Variants in CALN1 observed in about 807,000 individuals in gnomAD.
CALN1 encodes calneuron 1, also known as calcium-binding protein 8.
CALN1 carries 17 observed loss-of-function variants against 30.6 expected under a neutral mutation model. That is an observed-to-expected ratio of 0.56 (90% CI 0.38 to 0.83). The LOEUF is 0.83. CALN1 is among the 40% of genes least tolerant of loss of function. CALN1 has a pLI of 0.00. For missense variants in CALN1, 291 were observed against 354.9 expected, an observed-to-expected ratio of 0.82 and a Z score of 1.45; for synonymous variants, 156 against 131.4, an observed-to-expected ratio of 1.19 and a Z score of -1.28.
At chr7:72,137,362 C>G (rs989770161) in intron 3 of CALN1, among the ~76,000 whole-genome samples, 2 of 152,308 alleles carry the variant, frequency 1.3e-5, no homozygotes, top group East Asian at 1.9e-4. Flanking sequence ...TGCTCCTGCT[C>G]TGTCACACAG....
At chr7:72,380,861 A>G (rs1260842244) in intron 2 of CALN1, among the ~76,000 whole-genome samples, 4 of 152,176 alleles carry the variant, frequency 2.6e-5, no homozygotes, top group African/African-American at 4.8e-5. Context: ...AGAAACAAGT[A>G]AATTTTAGAA....
At chr7:71,831,552 C>T (rs1789275879) in intron 5 of CALN1, among the ~76,000 whole-genome samples, 1 of 151,928 alleles carries the variant, frequency 6.6e-6, no homozygotes, top group Non-Finnish European at 1.5e-5. Context: ...TAATGAAAAT[C>T]CCTTCCTTAT....
At chr7:71,896,856 CAG>C (rs1031538328) in intron 5 of CALN1, among the ~76,000 whole-genome samples, 10 of 152,220 alleles carry the variant, frequency 6.6e-5, no homozygotes, top group Admixed American at 4.6e-4. Flanking sequence ...TGCTCCCAAA[CAG>C]AGGAGAATGG....
intron 5 of CALN1, among the ~76,000 whole-genome samples, chr7:72,007,627 C>G (rs1181701954): frequency 6.6e-6 from 1 of 152,184 alleles, no homozygotes; most frequent in African/African-American, 2.4e-5. Context: ...TAATGCCTAT[C>G]TTTCTCCTAC....
intron 3 of CALN1, among the ~76,000 whole-genome samples, chr7:72,239,958 A>C (rs1004868429): frequency 1.3e-4 from 20 of 152,188 alleles, no homozygotes; most frequent in Admixed American, 1.3e-3. Context: ...AAGGATTTCT[A>C]TTCGACCATG....
At chr7:72,487,713 A>AAAAGAAAAGAAAAG in the CALN1 span, among the ~76,000 whole-genome samples, 29 of 68,654 alleles carry the variant, frequency 4.2e-4, no homozygotes, top group Non-Finnish European at 6.5e-4. Context: ...AAAAGAAAAG[A>AAAAGAAAAGAAAAG]AAAGAAAGAA....
the CALN1 span, among the ~76,000 whole-genome samples, chr7:72,462,170 G>A: frequency 1.3e-5 from 2 of 151,866 alleles, no homozygotes; most frequent in Non-Finnish European, 2.9e-5. Context: ...ATGTATGTAT[G>A]TATGTATGTA....
At chr7:72,154,269 CCTT>C (rs1444263017) in intron 3 of CALN1, among the ~76,000 whole-genome samples, 2 of 151,912 alleles carry the variant, frequency 1.3e-5, no homozygotes, top group African/African-American at 4.8e-5. Flanking sequence ...ATTATGGACA[CCTT>C]GTCCAGCGTC....
At chr7:71,803,189 G>A (rs1787407789) in intron 6 of CALN1, among the ~76,000 whole-genome samples, 1 of 152,130 alleles carries the variant, frequency 6.6e-6, no homozygotes, top group African/African-American at 2.4e-5. Context: ...TAATGCCAGA[G>A]AGTTCCTGAA....
chr7:72,159,450 T>C (rs1166683493), intron 3 of CALN1, among the ~76,000 whole-genome samples: 2 of 151,880 alleles, frequency 1.3e-5, no homozygotes, highest in Non-Finnish European at 2.9e-5. Context: ...CAGAGAACTA[T>C]GACCACGCCA....
At chr7:72,499,826 CTTCTTTCTTTCTTTCT>C in the CALN1 span, among the ~76,000 whole-genome samples, 792 of 52,938 alleles carry the variant, frequency 0.015, 21 homozygotes, top group Middle Eastern at 0.028. Flanking sequence ...TCCTTCCTTC[CTTCTTTCTTTCTTTCT>C]TTCTTTCTTT....
In CALN1 at chr7:72,278,659, T is replaced by TC. The variant is rs755842413; in HGVS notation, c.244+26dup. On this transcript the variant is annotated intron_variant, in intron 3 of 6. Coordinates refer to ENST00000395275, the MANE Select transcript of CALN1 (RefSeq NM_031468.4). Reference sequence around the variant, plus strand: ...AAACACCTCCCTGGGAGGGGGGCCATCCCCCCAAACAGGGTAGGCTCCTTA... The same window carrying TC: ...AAACACCTCCCTGGGAGGGGGGCCATCCCCCCCAAACAGGGTAGGCTCCTTA... 8.8e-6 allele frequency: 14 copies of TC among 1,592,558 alleles called. No homozygotes were observed. In the South Asian group the frequency reaches 1.2e-4, roughly 14 times the overall value.
intron 5 of CALN1, among the ~76,000 whole-genome samples, chr7:71,997,131 A>ACCTC (rs1799291215): frequency 6.6e-6 from 1 of 152,078 alleles, no homozygotes; most frequent in Non-Finnish European, 1.5e-5. Flanking sequence ...CATGCGAGTG[A>ACCTC]CTGAGGCAGG....
chr7:72,012,789 CTTTA>C (rs773380729), intron 5 of CALN1, among the ~76,000 whole-genome samples: 28 of 151,992 alleles, frequency 1.8e-4, no homozygotes, highest in Non-Finnish European at 7.4e-5. Context: ...TGATTTTAGG[CTTTA>C]TTTATTTATT....
At chr7:71,995,359 A>T (rs1392363363) in intron 5 of CALN1, among the ~76,000 whole-genome samples, 1 of 152,222 alleles carries the variant, frequency 6.6e-6, no homozygotes, top group Non-Finnish European at 1.5e-5. Context: ...TTGCAGCTGG[A>T]GTTTTTAGGC....
intron 4 of CALN1, among the ~76,000 whole-genome samples, chr7:72,029,212 C>T (rs917947366): frequency 3.3e-5 from 5 of 151,912 alleles, no homozygotes; most frequent in Non-Finnish European, 2.9e-5. Flanking sequence ...CTGCAAGCTC[C>T]GCCTCCCGGG....
chr7:72,332,663 C>G (rs990431147), intron 2 of CALN1, among the ~76,000 whole-genome samples: 3 of 152,140 alleles, frequency 2.0e-5, no homozygotes, highest in Non-Finnish European at 4.4e-5. Flanking sequence ...GTATTCCATG[C>G]CTGGTTCTTC....
At chr7:71,972,662 T>C (rs1309742276) in intron 5 of CALN1, among the ~76,000 whole-genome samples, 1 of 152,110 alleles carries the variant, frequency 6.6e-6, no homozygotes, top group Non-Finnish European at 1.5e-5. Flanking sequence ...CTTAGGAAAT[T>C]TAATGGATTT....
At chr7:72,315,420 T>C (rs971575782) in intron 2 of CALN1, among the ~76,000 whole-genome samples, 1 of 152,104 alleles carries the variant, frequency 6.6e-6, no homozygotes, top group South Asian at 2.1e-4. Flanking sequence ...AAATCCAAGC[T>C]AAAACACCAA....
Sources: allele counts gnomAD v4.1 joint callset (sites outside exome capture counted in the v4.1 genomes callset), GRCh38; gene constraint gnomAD v4.1.1; transcripts MANE v1.5; gene names NCBI Gene and HGNC (gene_info 2026-07-23, HGNC 2026-07-21).